Variants in GAK observed in about 807,000 individuals in gnomAD.
GAK encodes the protein cyclin-G-associated kinase.
A neutral mutation model predicts 143.9 loss-of-function variants in GAK; 79 were observed. The ratio of observed to expected loss-of-function variants is 0.55; its 90% CI spans 0.46 to 0.66. GAK has a LOEUF of 0.66. GAK is among the 30% of genes least tolerant of loss of function. The probability of loss-of-function intolerance (pLI) is 0.00; values close to 1 mark genes in which losing one functional copy is unlikely to be tolerated. For synonymous variants in GAK, 881 were observed against 765.5 expected, an observed-to-expected ratio of 1.15 and a Z score of -2.49; for missense variants, 1,693 against 1,779.7, an observed-to-expected ratio of 0.95 and a Z score of 0.88.
At position 870,719 on chromosome 4, in the gene GAK, G is replaced by A. The variant is rs1186783936; in HGVS notation, c.2240C>T (p.Ser747Phe). The A allele has an allele frequency of 1.2e-6, 2 of 1,613,838 alleles. No homozygotes were observed. The highest frequency in any genetic ancestry group is 1.1e-5 in the South Asian group (1 of 91,022). Reference sequence around the variant, plus strand: ...CACCTGCGGGATCTTACCAAACTTAGACAGAATGTCTTGCTGCTCCTCCCG... The same window carrying A: ...CACCTGCGGGATCTTACCAAACTTAAACAGAATGTCTTGCTGCTCCTCCCG... ...SSREEQQDIL[S>F]KFGKPELPRQ... is the part of the protein sequence containing the mutation. The change falls in exon 19 of 28, where the codon TCT becomes TTT. Residue 747 changes from serine (S) to phenylalanine (F), a missense_variant. Ser to Phe is a radical substitution (Grantham distance 155, BLOSUM62 -2). Coordinates refer to ENST00000314167, the MANE Select transcript of GAK (RefSeq NM_005255.4).
chr4:870,822 C>A lies in GAK; in HGVS notation c.2137G>T (p.Asp713Tyr). The part of the protein sequence containing the change: ...VNLEVEVEPR[D>Y]RPSREAPPWE... ...GGTGGGGCTTCCCGGCTCGGCCTGTCCCTGGGCTCCACCTCCACTTCCAGG... is the reference window on the plus strand; with the variant it reads ...GGTGGGGCTTCCCGGCTCGGCCTGTACCTGGGCTCCACCTCCACTTCCAGG... Residue 713 changes from aspartate to tyrosine, a missense_variant, in exon 19 of 28, where the codon GAC becomes TAC. Coordinates refer to ENST00000314167, the MANE Select transcript of GAK (RefSeq NM_005255.4). 1 of 1,614,108 alleles carries A rather than the reference C, an allele frequency of 6.2e-7. No individual in the cohort carries two copies. The highest frequency in any genetic ancestry group is 8.5e-7 in the Non-Finnish European group (1 of 1,179,998).
chr4:906,708 G>A (rs572702389), intron 4 of GAK, among the ~76,000 whole-genome samples: 6 of 152,064 alleles, frequency 3.9e-5, no homozygotes, highest in East Asian at 1.9e-4. Flanking sequence ...AGCAGCCACC[G>A]TCACCCTCTG....
rs555231826 is a variant in GAK, at chr4:890,225, G to A, written c.1081+307C>T. On this transcript the variant is annotated intron_variant, in intron 10 of 27. Transcript: ENST00000314167. ...GCTGCCTCCCACATAACCCCTGAGC[G>A]AGGCCGCCTGGTCACTCGGGCCCGG... Among the ~76,000 whole-genome samples the A allele has an allele frequency of 9.8e-5, 15 of 152,302 alleles. No individual in the cohort carries two copies. In the South Asian group the frequency reaches 1.2e-3, roughly 13 times the overall value.
At chr4:885,560 C>T (rs986138897) in intron 11 of GAK, among the ~76,000 whole-genome samples, 3 of 152,166 alleles carry the variant, frequency 2.0e-5, no homozygotes, top group Non-Finnish European at 2.9e-5. Context: ...GCCTCAGGCA[C>T]GTGTACCACA....
intron 1 of GAK, among the ~76,000 whole-genome samples, chr4:916,248 A>C (rs1723070937): frequency 6.6e-6 from 1 of 152,234 alleles, no homozygotes; most frequent in South Asian, 2.1e-4. Context: ...TATTTTAAAA[A>C]TCCAAGTAAC....
intron 4 of GAK, among the ~76,000 whole-genome samples, chr4:908,112 C>T (rs1030013470): frequency 6.6e-6 from 1 of 152,216 alleles, no homozygotes; most frequent in Non-Finnish European, 1.5e-5. Flanking sequence ...ATTTACCCCT[C>T]GCAAAGGCTT....
intron 1 of GAK, among the ~76,000 whole-genome samples, chr4:914,251 A>C (rs1464665855): frequency 2.1e-4 from 6 of 27,962 alleles, no homozygotes; most frequent in South Asian, 1.8e-3. Context: ...GCCCCCCCCC[A>C]CACACACAGC....
chr4:875,658 G>C (rs17165126), intron 18 of GAK, among the ~76,000 whole-genome samples: 2,602 of 152,364 alleles, frequency 0.017, 31 homozygotes, highest in Non-Finnish European at 0.025. Context: ...TGTCTTGGCA[G>C]ATAAGCCTGC....
At position 904,780 on chromosome 4, in the gene GAK, C is replaced by G; in HGVS notation, c.383-1G>C. On this transcript the variant is annotated splice_acceptor_variant, in intron 4 of 27. Transcript: ENST00000314167. LOFTEE classifies it high-confidence loss of function. ...TTCTTCAAAAATTCCACCAGCTGCC[C>G]TAAAAGAGAATGAAACTCACATGGA... The G allele has an allele frequency of 6.2e-7, 1 of 1,613,678 alleles. No homozygotes were observed. Among genetic ancestry groups the G allele is most frequent in the Non-Finnish European group, 8.5e-7 (1 of 1,179,784 alleles).
chr4:926,664 G>A (rs552780693), intron 1 of GAK, among the ~76,000 whole-genome samples: 2 of 152,294 alleles, frequency 1.3e-5, no homozygotes, highest in South Asian at 4.1e-4. Flanking sequence ...TAGCCAAAGT[G>A]GACAAATGTT....
At chr4:916,639 C>T (rs936746860) in intron 1 of GAK, among the ~76,000 whole-genome samples, 3 of 152,252 alleles carry the variant, frequency 2.0e-5, no homozygotes, top group Admixed American at 6.5e-5. Context: ...ACTTAAACCG[C>T]GAAGATAGGA....
intron 4 of GAK, among the ~76,000 whole-genome samples, chr4:905,690 C>T (rs1310545529): frequency 4.0e-5 from 6 of 151,656 alleles, no homozygotes; most frequent in Admixed American, 3.3e-4. Context: ...ACAGACGCCA[C>T]ACCACACTTT....
intron 19 of GAK, 108 bp from the exon 20 acceptor site, chr4:868,793 G>C (rs943639373): frequency 1.7e-6 from 2 of 1,161,740 alleles, no homozygotes; most frequent in East Asian, 5.2e-5. Flanking sequence ...CACCGTGGCA[G>C]GCCAGGCCAT....
Position 896,522 on chromosome 4 carries a change from T to C in GAK, c.679A>G (p.Arg227Gly), listed in dbSNP as rs1223533446. 3 of 1,613,654 alleles carry C rather than the reference T, an allele frequency of 1.9e-6. No individual in the cohort carries two copies. The highest frequency in any genetic ancestry group is 2.5e-6 in the Non-Finnish European group (3 of 1,179,640). ...EITRNTTPMY[R>G]TPEIIDLYSN... ...TACAAGTCTATGATTTCTGGTGTTC[T>C]ATACATTGGTGTTGTATTCCTCGTG... Residue 227 changes from arginine (R) to glycine (G), a missense_variant, in exon 7 of 28, where the codon AGA becomes GGA. By Grantham distance (125) the Arg-to-Gly change is moderately radical. This residue lies in a region of GAK where 871 missense variants were observed against 991.0 expected (regional missense o/e 0.88). Coordinates refer to ENST00000314167, the MANE Select transcript of GAK (RefSeq NM_005255.4).
chr4:880,334 C>T (rs916966477), intron 15 of GAK, among the ~76,000 whole-genome samples: 1 of 152,254 alleles, frequency 6.6e-6, no homozygotes, highest in Non-Finnish European at 1.5e-5. Context: ...CCCACTGGAC[C>T]GTGCACTCTG....
intron 15 of GAK, 90 bp from the exon 16 acceptor site, chr4:877,899 C>T (rs1396151499): frequency 2.6e-6 from 3 of 1,166,936 alleles, no homozygotes; most frequent in Non-Finnish European, 3.6e-6. Flanking sequence ...GTTTTTCATG[C>T]TAGAAATTTC....
chr4:893,961 C>G lies in GAK; in HGVS notation c.790G>C (p.Glu264Gln). The G allele has an allele frequency of 6.2e-7, 1 of 1,612,776 alleles. No individual in the cohort carries two copies. Among genetic ancestry groups the G allele is most frequent in the Non-Finnish European group, 8.5e-7 (1 of 1,179,672 alleles). Residue 264 changes from glutamate to glutamine, a missense_variant, in exon 8 of 28, where the codon GAG becomes CAG. Glu to Gln is a conservative substitution (Grantham distance 29). Coordinates refer to ENST00000314167, the MANE Select transcript of GAK (RefSeq NM_005255.4). The stretch of plus-strand genomic sequence containing the variant: ...ACTATTCGAAGTTTCGCTCCATCCT[C>G]AAAAGGGTGCTGCCGGAAGCACAGC... ...YLLCFRQHPF[E>Q]DGAKLRIVNG...
intron 24 of GAK, chr4:852,799 T>A (rs1386182362): frequency 6.6e-6 from 1 of 152,278 alleles, no homozygotes; most frequent in Non-Finnish European, 1.5e-5. Context: ...GTAAATACCC[T>A]GAGCACCTGC....
intron 24 of GAK, chr4:859,373 TG>T (rs1445994640): frequency 1.4e-6 from 2 of 1,475,110 alleles, no homozygotes; most frequent in Non-Finnish European, 1.8e-6. Context: ...ACAATGCCGG[TG>T]GGGGCTGGCA....
Sources: allele counts gnomAD v4.1 joint callset (sites outside exome capture counted in the v4.1 genomes callset), GRCh38; gene constraint gnomAD v4.1.1; regional missense constraint gnomAD v4.1.1; transcripts MANE v1.5; gene names NCBI Gene and HGNC (gene_info 2026-07-23, HGNC 2026-07-21).